DNAH8: variants seen among roughly 807,000 people sequenced by gnomAD.
The protein encoded by DNAH8 is dynein axonemal heavy chain 8.
Under a neutral mutation model 562.1 loss-of-function variants are expected in DNAH8, and 382 were observed. The ratio of observed to expected loss-of-function variants is 0.68; its 90% confidence interval spans 0.63 to 0.74. DNAH8 has a LOEUF of 0.74. Among genes scored for constraint, DNAH8 ranks in the 30% least tolerant of loss-of-function variants. The pLI is 0.00. For missense variants in DNAH8, 5,203 were observed against 5,620.4 expected, an observed-to-expected ratio of 0.93 and a Z score of 2.37; for synonymous variants, 1,881 against 1,919.4, an observed-to-expected ratio of 0.98 and a Z score of 0.52.
Position 38,866,817 on chromosome 6 carries a change from A to T in DNAH8, c.6634A>T (p.Ile2212Phe). ...LASCGFLENV[I>F]LAQKFYVLYK... ...AAGCTGTGGTTTTCTTGAAAATGTT[A>T]TCTTGGCTCAAAAATTTTACGTTCT... Residue 2212 changes from isoleucine to phenylalanine, a missense_variant, in exon 47 of 93, where the codon ATC becomes TTC. Physicochemically the swap from Ile to Phe is conservative, Grantham distance 21. This residue lies in a region of DNAH8 where 2,176 missense variants were observed against 2,365.1 expected (regional missense o/e 0.92). Coordinates refer to ENST00000327475, the MANE Select transcript of DNAH8 (RefSeq NM_001206927.2). 3 of 1,613,548 alleles carry T rather than the reference A, an allele frequency of 1.9e-6. No individual in the cohort carries two copies. Among genetic ancestry groups the T allele is most frequent in the Non-Finnish European group, 2.5e-6 (3 of 1,179,742 alleles).
intron 1 of DNAH8, among the ~76,000 whole-genome samples, chr6:38,715,961 T>TGTA (rs1491204029): frequency 5.0e-5 from 1 of 20,068 alleles, no homozygotes; most frequent in Non-Finnish European, 9.1e-5. Context: ...TATATATATA[T>TGTA]TTTTTTTTTT....
At chr6:38,925,375 G>A (rs1782039441) in intron 73 of DNAH8, among the ~76,000 whole-genome samples, 1 of 150,206 alleles carries the variant, frequency 6.7e-6, no homozygotes, top group South Asian at 2.1e-4. Context: ...TTGCTCTGTA[G>A]CCCAGACGGA....
intron 60 of DNAH8, among the ~76,000 whole-genome samples, chr6:38,897,444 C>T (rs1221431365): frequency 6.6e-6 from 1 of 152,040 alleles, no homozygotes; most frequent in African/African-American, 2.4e-5. Flanking sequence ...GAAAATATAA[C>T]ATAAAAGTAT....
At chr6:38,928,120 C>T (rs565256428) in intron 74 of DNAH8, 3 of 152,340 alleles carry the variant, frequency 2.0e-5, no homozygotes, top group Admixed American at 6.5e-5. Context: ...TACCAAGTCT[C>T]CCTATCAGGA....
chr6:38,872,437 T>C lies in DNAH8; in HGVS notation c.6991-99T>C, dbSNP rs1375513876. On this transcript the variant is annotated intron_variant, in intron 49 of 92. Transcript: ENST00000327475. ...AAAAATAGTGAACTAGTTACGTTAA[T>C]GAAGAGCTTATTAAAGCCTTTAATC... The C allele has an allele frequency of 5.3e-6, 7 of 1,327,770 alleles. No homozygotes were observed. The East Asian group carries it at 1.6e-4, about 31-fold the overall frequency. The allele number at this position is 1,327,770 out of a possible 1,614,324, so 82.2% of individuals were successfully genotyped here.
chr6:38,723,879 A>T (rs1283441358), intron 3 of DNAH8, among the ~76,000 whole-genome samples: 1 of 152,024 alleles, frequency 6.6e-6, no homozygotes, highest in Admixed American at 6.6e-5. Flanking sequence ...AAGAAAGAAA[A>T]AAGAAAAAGA....
At chr6:38,823,541 T>C in intron 27 of DNAH8, 21 bp from the exon 28 acceptor site, 1 of 1,564,088 alleles carries the variant, frequency 6.4e-7, no homozygotes, top group Non-Finnish European at 8.8e-7. Context: ...AATTAAAATA[T>C]TGACTATTTT....
intron 33 of DNAH8, among the ~76,000 whole-genome samples, chr6:38,841,148 G>A (rs372475634): frequency 2.6e-5 from 4 of 152,126 alleles, no homozygotes; most frequent in South Asian, 2.1e-4. Flanking sequence ...GCTGGGTGCC[G>A]TAGCTCATGC....
At chr6:38,739,332 CTATAAA>C (rs1764347627) in intron 7 of DNAH8, among the ~76,000 whole-genome samples, 1 of 152,156 alleles carries the variant, frequency 6.6e-6, no homozygotes, top group Non-Finnish European at 1.5e-5. Flanking sequence ...TCCCCAGTGA[CTATAAA>C]TATAAACTCT....
intron 57 of DNAH8, among the ~76,000 whole-genome samples, chr6:38,887,347 G>A (rs1324190867): frequency 3.3e-5 from 5 of 152,176 alleles, no homozygotes; most frequent in African/African-American, 1.2e-4. Flanking sequence ...GTCAAATGTA[G>A]CACTTCAATA....
intron 91 of DNAH8, among the ~76,000 whole-genome samples, chr6:39,023,603 A>G (rs1050753070): frequency 6.6e-6 from 1 of 152,258 alleles, no homozygotes; most frequent in African/African-American, 2.4e-5. Context: ...TAAAAATTAT[A>G]CAGGCTTCAA....
rs185143332 is a variant in DNAH8, at chr6:38,765,115, C to T, written c.1617+3312C>T. ...CCTCCCAAAGTGTTGGGATCACAGG[C>T]GTAAGCCACTGCGCCTGGCCTCATT... is the stretch of plus-strand genomic sequence containing the variant. On this transcript the variant is annotated intron_variant, in intron 11 of 92. Coordinates refer to ENST00000327475, the MANE Select transcript of DNAH8 (RefSeq NM_001206927.2). Among the ~76,000 whole-genome samples, 595 of 152,298 alleles carry T rather than the reference C, an allele frequency of 3.9e-3. 8 individuals are homozygous for T. The highest frequency in any genetic ancestry group is 0.014 in the African/African-American group (568 of 41,586).
chr6:38,949,577 A>G lies in DNAH8; in HGVS notation c.12248+7A>G, dbSNP rs1429166792. On this transcript the variant is annotated splice_region_variant and intron_variant, in intron 81 of 92. Coordinates refer to ENST00000327475, the MANE Select transcript of DNAH8 (RefSeq NM_001206927.2). ...ATAAACTTTTACTTATCAGGTGAGAACAGGCATTATCAGACCTAGAAGCAT... is the reference window on the plus strand; with the variant it reads ...ATAAACTTTTACTTATCAGGTGAGAGCAGGCATTATCAGACCTAGAAGCAT... 2 of 1,482,742 alleles carry G rather than the reference A, an allele frequency of 1.3e-6. No homozygotes were observed. The highest frequency in any genetic ancestry group is 9.4e-7 in the Non-Finnish European group (1 of 1,060,580). 91.8% of individuals were successfully genotyped at this position (1,482,742 alleles called of 1,614,324 possible).
intron 1 of DNAH8, among the ~76,000 whole-genome samples, chr6:38,719,832 C>T (rs1438613119): frequency 6.6e-6 from 1 of 152,162 alleles, no homozygotes; most frequent in Non-Finnish European, 1.5e-5. Flanking sequence ...AGCCCTAAAA[C>T]CCTACCAAGC....
chr6:38,970,234 A>G lies in DNAH8; in HGVS notation c.12452-1358A>G, dbSNP rs143625546. On this transcript the variant is annotated intron_variant, in intron 82 of 92. Transcript: ENST00000327475. ...GCCTATCACTTTCCCTCATTGATCT[A>G]TTGAACATTTGTGTGTTCTTCCGAA... Among the ~76,000 whole-genome samples, 761 of 152,282 alleles carry G rather than the reference A, an allele frequency of 5.0e-3. 7 individuals are homozygous for G. The highest frequency in any genetic ancestry group is 0.018 in the African/African-American group (731 of 41,558).
At position 38,848,684 on chromosome 6, in the gene DNAH8, G is replaced by T. The variant is rs776961753; in HGVS notation, c.5082G>T (p.Trp1694Cys). The change falls in exon 37 of 93, where the codon TGG becomes TGT. Residue 1694 changes from tryptophan to cysteine, a missense_variant. Coordinates refer to ENST00000327475, the MANE Select transcript of DNAH8 (RefSeq NM_001206927.2). ...CATTTAAAAAAAATATCCAGAATTG[G>T]GTGTATAAATTGTCCACTTCCTCAG... ...NAPFKKNIQN[W>C]VYKLSTSSDI... The T allele has an allele frequency of 1.2e-6, 2 of 1,611,214 alleles. No individual in the cohort carries two copies. Among genetic ancestry groups the T allele is most frequent in the South Asian group, 2.2e-5 (2 of 90,882 alleles).
chr6:38,929,598 G>A lies in DNAH8; in HGVS notation c.11206G>A (p.Glu3736Lys). The A allele has an allele frequency of 6.2e-7, 1 of 1,609,628 alleles. No homozygotes were observed. Among genetic ancestry groups the A allele is most frequent in the Non-Finnish European group, 8.5e-7 (1 of 1,178,988 alleles). ...ACCCCTTCTCATTGAGGACATTCAT[G>A]AAGAGCTGGATCCAGCCTTGGATAA... ...GRPLLIEDIH[E>K]ELDPALDNVL... is the part of the protein sequence containing the mutation. The change falls in exon 75 of 93, where the codon GAA (glutamate) becomes AAA (lysine). Residue 3736 changes from glutamate to lysine, a missense_variant. Glu to Lys is a moderately conservative substitution (Grantham distance 56, BLOSUM62 1). Around this residue, in one of 6 missense-constraint regions of DNAH8, gnomAD observed 1,399 missense variants for 1,518.4 expected, o/e 0.92. Coordinates refer to ENST00000327475, the MANE Select transcript of DNAH8 (RefSeq NM_001206927.2).
At chr6:38,732,478 T>C (rs770527297) in intron 4 of DNAH8, among the ~76,000 whole-genome samples, 15 of 152,170 alleles carry the variant, frequency 9.9e-5, no homozygotes, top group Non-Finnish European at 2.1e-4. Context: ...CTACGTACCA[T>C]GTATCAGGGT....
At chr6:38,982,590 T>TGCTGTAATCAGGCACTTGC in intron 86 of DNAH8, 128 bp downstream of exon 86, 1 of 610,398 alleles carries the variant, frequency 1.6e-6, no homozygotes, top group Non-Finnish European at 2.9e-6. Flanking sequence ...AAGGGACTTG[T>TGCTGTAATCAGGCACTTGC]TGCTGTAATC....
Sources: gnomAD v4.1 joint callset for allele counts (sites outside exome capture counted in the v4.1 genomes callset) on GRCh38, gnomAD v4.1.1 for gene constraint, gnomAD v4.1.1 regional missense constraint, MANE v1.5 for transcripts, NCBI Gene and HGNC (gene_info 2026-07-23, HGNC 2026-07-21) for gene names.